KPNB1: variants seen among roughly 807,000 people sequenced by gnomAD.
KPNB1 encodes the protein karyopherin subunit beta 1, also known as importin subunit beta-1.
In KPNB1, 7 loss-of-function variants were observed where a neutral mutation model predicts 113.0. That is an observed-to-expected ratio of 0.06 (90% CI 0.04 to 0.12). KPNB1 has a LOEUF of 0.12. Ranked by LOEUF, KPNB1 falls within the 10% of genes least tolerant of loss-of-function variation. The probability of loss-of-function intolerance (pLI) is 1.00; values close to 1 mark genes in which losing one functional copy is unlikely to be tolerated. For synonymous variants in KPNB1, 363 were observed against 378.6 expected, an observed-to-expected ratio of 0.96 and a Z score of 0.48; for missense variants, 400 against 1,054.8, an observed-to-expected ratio of 0.38 and a Z score of 8.60.
At chr17:47,659,900 A>G (rs554219396) in intron 5 of KPNB1, among the ~76,000 whole-genome samples, 10 of 148,574 alleles carry the variant, frequency 6.7e-5, no homozygotes, top group Non-Finnish European at 1.5e-4. Flanking sequence ...TCTGTCTCCA[A>G]AAAAAAAAAA....
In KPNB1 at chr17:47,682,598, G is replaced by C. The variant is rs1046750592; in HGVS notation, c.*194G>C. On this transcript the variant is annotated 3_prime_UTR_variant, in exon 22 of 22. Transcript: ENST00000290158. The stretch of plus-strand genomic sequence containing the variant: ...GCAGCCGCCAACAGCAGCGCTGTTA[G>C]TGAGCTAAGTAAGCACTGACTTCGT... 10 of 609,602 alleles carry C rather than the reference G, an allele frequency of 1.6e-5. No individual in the cohort carries two copies. Among genetic ancestry groups the C allele is most frequent in the East Asian group, 1.1e-4 (4 of 36,252 alleles). 37.8% of individuals were successfully genotyped at this position (609,602 alleles called of 1,614,324 possible).
In KPNB1 at chr17:47,683,410, A is replaced by G. The variant is rs1262467031; in HGVS notation, c.*1006A>G. 1 of 152,642 alleles carries G rather than the reference A, an allele frequency of 6.6e-6. No individual in the cohort carries two copies. Among genetic ancestry groups the G allele is most frequent in the Non-Finnish European group, 1.5e-5 (1 of 68,016 alleles). The allele number at this position is 152,642 out of a possible 1,614,324, so 9.5% of individuals were successfully genotyped here. A position where few individuals can be genotyped will look rare whatever the true frequency, so the allele number is the denominator to read the frequency against. ...AAAAAAATCACAACCCAAACAAACC[A>G]AAATTTAAATGATCAGAATTGGCAG... is the stretch of plus-strand genomic sequence containing the variant. On this transcript the variant is annotated 3_prime_UTR_variant, in exon 22 of 22. Coordinates refer to ENST00000290158, the MANE Select transcript of KPNB1 (RefSeq NM_002265.6).
chr17:47,663,449 A>G (rs1484588121), intron 7 of KPNB1, among the ~76,000 whole-genome samples: 1 of 152,088 alleles, frequency 6.6e-6, no homozygotes, highest in African/African-American at 2.4e-5. Flanking sequence ...AGATCACCTG[A>G]GGTCAGGAGT....
chr17:47,672,915 A>C, intron 12 of KPNB1, 103 bp from the exon 13 acceptor site: 2 of 1,067,814 alleles, frequency 1.9e-6, no homozygotes, highest in Non-Finnish European at 2.7e-6. Context: ...CCAGGTCTGC[A>C]GACATACCGG....
chr17:47,675,361 G>GTTTTTTTGTTTTTTT (rs2030569098), intron 15 of KPNB1, among the ~76,000 whole-genome samples: 1 of 88,694 alleles, frequency 1.1e-5, no homozygotes, highest in Non-Finnish European at 2.3e-5. Context: ...CAGAGGTGTT[G>GTTTTTTTGTTTTTTT]TTTTTTTTTT....
chr17:47,651,325 GGGGAT>G, intron 2 of KPNB1: 1 of 985,362 alleles, frequency 1.0e-6, no homozygotes, highest in Non-Finnish European at 1.2e-6. Flanking sequence ...TCTCCTGTTG[GGGGAT>G]GGGGTCAGAG....
At chr17:47,653,582 C>T (rs755365844) in intron 3 of KPNB1, among the ~76,000 whole-genome samples, 2 of 152,144 alleles carry the variant, frequency 1.3e-5, no homozygotes, top group Non-Finnish European at 2.9e-5. Flanking sequence ...ATCTGTCTTA[C>T]ATGGGTAAGG....
chr17:47,675,765 A>T lies in KPNB1; in HGVS notation c.1913-644A>T, dbSNP rs115362379. On this transcript the variant is annotated intron_variant, in intron 15 of 21. Coordinates refer to ENST00000290158, the MANE Select transcript of KPNB1 (RefSeq NM_002265.6). Reference sequence around the variant, plus strand: ...AAGGGGCATTACGAAGCACTTTAGGAATCTGATATGCCTTTTCAGGGGTGG... The same window carrying T: ...AAGGGGCATTACGAAGCACTTTAGGTATCTGATATGCCTTTTCAGGGGTGG... 8.5e-3 allele frequency among the ~76,000 whole-genome samples: 1,297 copies of T among 152,252 alleles called. 17 individuals carry two copies. The highest frequency in any genetic ancestry group is 0.03 in the African/African-American group (1,241 of 41,538).
intron 10 of KPNB1, 44 bp from the exon 11 acceptor site, chr17:47,669,634 T>A: frequency 6.9e-7 from 1 of 1,441,058 alleles, no homozygotes; most frequent in Non-Finnish European, 9.6e-7. Flanking sequence ...TTAACATGAA[T>A]TTTAATCTTT....
At chr17:47,661,079 T>G in intron 5 of KPNB1, 40 bp from the exon 6 acceptor site, 1 of 1,511,252 alleles carries the variant, frequency 6.6e-7, no homozygotes, top group South Asian at 1.1e-5. Context: ...ACGTACAGGT[T>G]ATGCTCTCCT....
At chr17:47,670,906 A>G in intron 12 of KPNB1, 74 bp downstream of exon 12, 2 of 1,300,020 alleles carry the variant, frequency 1.5e-6, no homozygotes, top group Non-Finnish European at 1.1e-6. Flanking sequence ...GAGGATATCT[A>G]GCTTAATCAT....
At chr17:47,676,978 C>A in intron 16 of KPNB1, 42 bp from the exon 17 acceptor site, 1 of 1,489,434 alleles carries the variant, frequency 6.7e-7, no homozygotes, top group Non-Finnish European at 9.3e-7. Flanking sequence ...CCCCAGCAGG[C>A]AGCCTTTTCT....
At chr17:47,680,374 C>T in intron 20 of KPNB1, 134 bp from the exon 21 acceptor site, 1 of 1,008,340 alleles carries the variant, frequency 9.9e-7, no homozygotes, top group Non-Finnish European at 1.5e-6. Context: ...TTGCCTCTGT[C>T]TAGTGACCTC....
Position 47,684,344 on chromosome 17 carries a change from T to C in KPNB1, c.*1940T>C, listed in dbSNP as rs2030880863. 6.7e-6 allele frequency: 1 copy of C among 149,318 alleles called. No homozygotes were observed. Among genetic ancestry groups the C allele is most frequent in the Non-Finnish European group, 1.5e-5 (1 of 67,506 alleles). The allele number at this position is 149,318 out of a possible 1,614,324, so 9.2% of individuals were successfully genotyped here. Reference sequence around the variant, plus strand: ...AGTCAAGTGCCGATCTATGAACCAGTGTACAAAAAAAAAAAAATCCAGGTA... The same window carrying C: ...AGTCAAGTGCCGATCTATGAACCAGCGTACAAAAAAAAAAAAATCCAGGTA... On this transcript the variant is annotated 3_prime_UTR_variant, in exon 22 of 22. Coordinates refer to ENST00000290158, the MANE Select transcript of KPNB1 (RefSeq NM_002265.6).
rs1446785390 is a variant in KPNB1 at position 47,650,254 on chromosome 17, A to G, written c.10A>G (p.Ile4Val). MEL[I>V]TILEKTVSPD... is the part of the protein sequence containing the mutation. Reference sequence around the variant, plus strand: ...CGCCGCCACCTCCGCCATGGAGCTGATCACCATTCTCGAGAAGACCGTGTC... The same window carrying G: ...CGCCGCCACCTCCGCCATGGAGCTGGTCACCATTCTCGAGAAGACCGTGTC... Residue 4 changes from isoleucine to valine, a missense_variant, in exon 1 of 22, where the codon ATC becomes GTC. This residue lies in a region of KPNB1 where 285 missense variants were observed against 627.0 expected (regional missense o/e 0.45). Transcript: ENST00000290158. 1.0e-5 allele frequency: 16 copies of G among 1,599,032 alleles called. No individual in the cohort carries two copies. The highest frequency in any genetic ancestry group is 1.3e-5 in the Non-Finnish European group (15 of 1,174,488).
intron 19 of KPNB1, among the ~76,000 whole-genome samples, chr17:47,679,446 C>G (rs1022343976): frequency 2.6e-5 from 4 of 152,092 alleles, no homozygotes; most frequent in Admixed American, 1.3e-4. Context: ...CTTCACCCCC[C>G]TTGGTATCAT....
Position 47,649,942 on chromosome 17 carries a change from C to G in KPNB1, c.-303C>G. 7.7e-7 allele frequency: 1 copy of G among 1,302,326 alleles called. No individual in the cohort carries two copies. The highest frequency in any genetic ancestry group is 9.7e-7 in the Non-Finnish European group (1 of 1,028,170). 80.7% of individuals were successfully genotyped at this position (1,302,326 alleles called of 1,614,324 possible). ...CTCCCTCCCTGCGCGCCGCCTCTCACTCACAGCCTCCCTTCCTTCTTTCTC... is the reference window on the plus strand; with the variant it reads ...CTCCCTCCCTGCGCGCCGCCTCTCAGTCACAGCCTCCCTTCCTTCTTTCTC... On this transcript the variant is annotated 5_prime_UTR_variant, in exon 1 of 22. Coordinates refer to ENST00000290158, the MANE Select transcript of KPNB1 (RefSeq NM_002265.6).
chr17:47,650,371 C>T lies in KPNB1; in HGVS notation c.41-15C>T, dbSNP rs1915501753. 2 of 1,611,784 alleles carry T rather than the reference C, an allele frequency of 1.2e-6. No individual in the cohort carries two copies. Among genetic ancestry groups the T allele is most frequent in the East Asian group, 2.2e-5 (1 of 44,810 alleles). ...CCCTCTGACCCCGCTCCGTCTCCCACTTTCCTCCCCCTAGATCGGCTGGAG... is the reference window on the plus strand; with the variant it reads ...CCCTCTGACCCCGCTCCGTCTCCCATTTTCCTCCCCCTAGATCGGCTGGAG... On this transcript the variant is annotated splice_polypyrimidine_tract_variant and intron_variant, in intron 1 of 21. Transcript: ENST00000290158.
chr17:47,675,146 T>C (rs2030557294), intron 15 of KPNB1, among the ~76,000 whole-genome samples: 2 of 151,894 alleles, frequency 1.3e-5, no homozygotes, highest in Non-Finnish European at 2.9e-5. Flanking sequence ...GAAGATAGGG[T>C]CTCACTATAT....
Sources: allele counts gnomAD v4.1 joint callset (sites outside exome capture counted in the v4.1 genomes callset), GRCh38; gene constraint gnomAD v4.1.1; regional missense constraint gnomAD v4.1.1; transcripts MANE v1.5; gene names NCBI Gene and HGNC (gene_info 2026-07-23, HGNC 2026-07-21).